Variants in SYT14 observed in about 807,000 individuals in gnomAD.
SYT14 encodes synaptotagmin-14.
A neutral mutation model predicts 74.2 loss-of-function variants in SYT14; 32 were observed. The ratio of observed to expected loss-of-function variants is 0.43; its 90% CI spans 0.33 to 0.58. The LOEUF (loss-of-function observed/expected upper bound fraction) is 0.58, where lower values mean the gene tolerates loss of function less well. SYT14 is among the 20% of genes least tolerant of loss of function. SYT14 has a pLI of 0.05. For synonymous variants in SYT14, 298 were observed against 337.7 expected (o/e 0.88, Z 1.29); for missense variants, 791 against 981.8 (o/e 0.81, Z 2.60).
chr1:210,029,506 C>T (rs11119397), intron 5 of SYT14, among the ~76,000 whole-genome samples: 24,824 of 152,092 alleles, frequency 0.16, 6,436 homozygotes, highest in African/African-American at 0.55. Flanking sequence ...TTTCCCAGAA[C>T]ATTTGTTAAA....
chr1:209,947,743 A>G (rs965379448), intron 1 of SYT14, among the ~76,000 whole-genome samples: 13 of 152,224 alleles, frequency 8.5e-5, no homozygotes, highest in Non-Finnish European at 1.8e-4. Flanking sequence ...TTAAAGTTCT[A>G]CTGTGGGTAA....
chr1:210,049,333 T>C (rs568795687), intron 5 of SYT14, among the ~76,000 whole-genome samples: 7 of 151,696 alleles, frequency 4.6e-5, no homozygotes, highest in South Asian at 2.1e-4. Flanking sequence ...TGCCTGAACA[T>C]CCAGGTATTT....
chr1:209,967,135 A>C (rs2079169168), intron 2 of SYT14, among the ~76,000 whole-genome samples: 1 of 152,192 alleles, frequency 6.6e-6, no homozygotes, highest in Non-Finnish European at 1.5e-5. Context: ...ATCACATGTT[A>C]AACCAACCTT....
chr1:210,114,732 T>C (rs1185847123), intron 7 of SYT14, among the ~76,000 whole-genome samples: 4 of 150,918 alleles, frequency 2.7e-5, no homozygotes, highest in Admixed American at 2.6e-4. Context: ...AAGATGAAAT[T>C]GTTGGGCAGG....
At chr1:210,156,247 T>C (rs1266810483) in intron 8 of SYT14, among the ~76,000 whole-genome samples, 1 of 152,228 alleles carries the variant, frequency 6.6e-6, no homozygotes, top group African/African-American at 2.4e-5. Flanking sequence ...TATATAGCTA[T>C]TGTTGTTAAC....
intron 2 of SYT14, among the ~76,000 whole-genome samples, chr1:209,995,543 A>T (rs767708894): frequency 1.3e-4 from 20 of 152,292 alleles, no homozygotes; most frequent in Non-Finnish European, 2.4e-4. Flanking sequence ...ATAGGGTGAG[A>T]CTTCAACACC....
At position 210,020,729 on chromosome 1, in the gene SYT14, T is replaced by C. The variant is rs192570256; in HGVS notation, c.1097-310T>C. ...CTTTATATGTAACATGGTTGAAAAA[T>C]CCCTGTGACTAACAAACATTATTTA... On this transcript the variant is annotated intron_variant, in intron 4 of 9. Coordinates refer to ENST00000637265, the Ensembl canonical transcript of SYT14. Among the ~76,000 whole-genome samples the C allele has an allele frequency of 7.2e-5, 11 of 152,272 alleles. 1 individual carries two copies. The highest frequency in any genetic ancestry group is 2.6e-4 in the African/African-American group (11 of 41,570).
chr1:210,043,689 A>G (rs937034727), intron 5 of SYT14, among the ~76,000 whole-genome samples: 6 of 152,158 alleles, frequency 3.9e-5, no homozygotes. Flanking sequence ...AGTATGAGAA[A>G]GAGTAGGGTA....
At chr1:210,145,626 T>C (rs2083016742) in intron 7 of SYT14, among the ~76,000 whole-genome samples, 1 of 152,188 alleles carries the variant, frequency 6.6e-6, no homozygotes, top group Admixed American at 6.5e-5. Context: ...GAAATATTCA[T>C]ATAGTGCTGG....
At position 210,159,619 on chromosome 1, in the gene SYT14, T is replaced by G. The variant is rs1347701585; in HGVS notation, c.2281+142T>G. On this transcript the variant is annotated intron_variant, in intron 9 of 9. Coordinates refer to ENST00000637265, the Ensembl canonical transcript of SYT14. ...TTATCTGTGGTACTTTAAATAAAACTAACTTAGAATTTATCTCTGATTATG... is the reference window on the plus strand; with the variant it reads ...TTATCTGTGGTACTTTAAATAAAACGAACTTAGAATTTATCTCTGATTATG... 6 of 745,122 alleles carry G rather than the reference T, an allele frequency of 8.1e-6. No individual in the cohort carries two copies. The African/African-American group carries it at 8.7e-5, about 11-fold the overall frequency. The allele number at this position is 745,122 out of a possible 1,614,324, so 46.2% of individuals were successfully genotyped here. A position where few individuals can be genotyped will look rare whatever the true frequency, so the allele number is the denominator to read the frequency against.
chr1:210,135,129 C>T (rs11119417), intron 7 of SYT14, among the ~76,000 whole-genome samples: 7,373 of 152,082 alleles, frequency 0.048, 1,003 homozygotes, highest in East Asian at 0.41. Context: ...TACAAGCATG[C>T]ACCACCACAC....
At chr1:210,155,359 A>G (rs1021358802) in intron 7 of SYT14, among the ~76,000 whole-genome samples, 2 of 152,188 alleles carry the variant, frequency 1.3e-5, no homozygotes, top group Non-Finnish European at 2.9e-5. Flanking sequence ...AGGACATTTG[A>G]TGTATTGAGT....
At chr1:210,017,761 A>G (rs1315842641) in intron 4 of SYT14, among the ~76,000 whole-genome samples, 1 of 152,192 alleles carries the variant, frequency 6.6e-6, no homozygotes, top group Non-Finnish European at 1.5e-5. Context: ...TATTCACAGT[A>G]TATGTGATAA....
intron 7 of SYT14, among the ~76,000 whole-genome samples, chr1:210,108,038 G>T (rs2082190775): frequency 6.6e-6 from 1 of 152,170 alleles, no homozygotes; most frequent in Non-Finnish European, 1.5e-5. Context: ...AGTCCTTGAA[G>T]GGATGGGAGA....
intron 7 of SYT14, among the ~76,000 whole-genome samples, chr1:210,114,315 A>C (rs2102590245): frequency 6.6e-6 from 1 of 151,504 alleles, no homozygotes; most frequent in South Asian, 2.1e-4. Context: ...ACGCCTGACC[A>C]CTGTGGCTTA....
At chr1:210,103,455 C>T (rs536960171) in intron 7 of SYT14, among the ~76,000 whole-genome samples, 56 of 145,206 alleles carry the variant, frequency 3.9e-4, no homozygotes, top group African/African-American at 1.3e-3. Context: ...GAGGCTGAGA[C>T]AGGAGAATGG....
intron 2 of SYT14, among the ~76,000 whole-genome samples, chr1:209,965,317 T>G (rs1360628737): frequency 1.3e-5 from 2 of 152,186 alleles, no homozygotes; most frequent in East Asian, 3.8e-4. Flanking sequence ...TGATGTTTGA[T>G]TTTCTATTTC....
intron 2 of SYT14, among the ~76,000 whole-genome samples, chr1:209,993,237 A>G (rs971153765): frequency 1.3e-5 from 2 of 152,306 alleles, no homozygotes; most frequent in South Asian, 4.1e-4. Context: ...TGGCTTCGCC[A>G]TGGAACAGGG....
intron 2 of SYT14, among the ~76,000 whole-genome samples, chr1:209,997,285 A>C (rs566703053): frequency 6.6e-6 from 1 of 152,310 alleles, no homozygotes; most frequent in South Asian, 2.1e-4. Context: ...TCAGGATATG[A>C]AATCAGTGTA....
Sources: allele counts gnomAD v4.1 joint callset (sites outside exome capture counted in the v4.1 genomes callset), GRCh38; gene constraint gnomAD v4.1.1; transcripts MANE v1.5; gene names NCBI Gene and HGNC (gene_info 2026-07-23, HGNC 2026-07-21).